BAZ1A: variants seen among roughly 807,000 people sequenced by gnomAD.
BAZ1A encodes bromodomain adjacent to zinc finger domain 1A.
BAZ1A carries 50 observed loss-of-function variants against 185.2 expected under a neutral mutation model. The observed-to-expected ratio is 0.27, with a 90% CI of 0.22 to 0.34. BAZ1A has a LOEUF of 0.34. Ranked by LOEUF, BAZ1A falls within the 10% of genes least tolerant of loss-of-function variation. The pLI, the probability that BAZ1A is intolerant of heterozygous loss-of-function variation, is 1.00. For missense variants in BAZ1A, 1,356 were observed against 1,839.9 expected (o/e 0.74, Z 4.81); for synonymous variants, 571 against 615.6 (o/e 0.93, Z 1.07).
intron 11 of BAZ1A, among the ~76,000 whole-genome samples, chr14:34,793,276 T>C (rs1880967946): frequency 1.3e-5 from 2 of 152,230 alleles, no homozygotes; most frequent in African/African-American, 4.8e-5. Context: ...CCACTGTTCC[T>C]GAGGGCTATG....
At chr14:34,873,851 C>T (rs951625031) in intron 2 of BAZ1A, among the ~76,000 whole-genome samples, 21 of 152,316 alleles carry the variant, frequency 1.4e-4, no homozygotes, top group Middle Eastern at 6.8e-3. Context: ...CAGCGCCGGA[C>T]GGGAGGCCGC....
At chr14:34,762,716 T>A (rs1208370298) in intron 23 of BAZ1A, among the ~76,000 whole-genome samples, 1 of 152,158 alleles carries the variant, frequency 6.6e-6, no homozygotes, top group Admixed American at 6.5e-5. Context: ...GCGATCTGCA[T>A]GCCTCGGCCT....
At chr14:34,797,752 C>T (rs369035938) in intron 9 of BAZ1A, among the ~76,000 whole-genome samples, 21 of 152,132 alleles carry the variant, frequency 1.4e-4, no homozygotes, top group Admixed American at 3.3e-4. Context: ...ATGCAGAAGA[C>T]GGTGATTTCT....
chr14:34,820,987 G>T (rs1053456352), intron 4 of BAZ1A, among the ~76,000 whole-genome samples: 2 of 152,064 alleles, frequency 1.3e-5, no homozygotes, highest in Admixed American at 1.3e-4. Flanking sequence ...CTTGAAGCTG[G>T]GTAGTGTCAG....
intron 3 of BAZ1A, 136 bp from the exon 4 acceptor site, chr14:34,826,292 TAAAAAG>T: frequency 1.2e-6 from 1 of 809,204 alleles, no homozygotes; most frequent in Non-Finnish European, 1.8e-6. Flanking sequence ...ACAATTTAAT[TAAAAAG>T]AAAATCTGTA....
At chr14:34,871,443 C>T (rs1237770428) in intron 2 of BAZ1A, among the ~76,000 whole-genome samples, 1 of 152,184 alleles carries the variant, frequency 6.6e-6, no homozygotes, top group African/African-American at 2.4e-5. Flanking sequence ...TCTTCTTTAC[C>T]TATGAAAAAG....
intron 2 of BAZ1A, among the ~76,000 whole-genome samples, chr14:34,866,502 A>AAAAAAAAAAAAAAAAAAAAAAAGAAAG: frequency 1.3e-4 from 10 of 79,556 alleles, no homozygotes; most frequent in East Asian, 2.7e-4. Flanking sequence ...AAAAAAAAAA[A>AAAAAAAAAAAAAAAAAAAAAAAGAAAG]GAAAAAAGTT....
chr14:34,755,111 C>T lies in BAZ1A; in HGVS notation c.4387-197G>A, dbSNP rs148851911. Reference sequence around the variant, plus strand: ...TACAGATATATATCTATATAGATATCGCGCTCTCTCTATATATACACACCA... The same window carrying T: ...TACAGATATATATCTATATAGATATTGCGCTCTCTCTATATATACACACCA... On this transcript the variant is annotated intron_variant, in intron 25 of 26. Transcript: ENST00000360310. 6.2e-3 allele frequency among the ~76,000 whole-genome samples: 937 copies of T among 151,784 alleles called. 16 individuals carry two copies. Among genetic ancestry groups the T allele is most frequent in the African/African-American group, 0.022 (904 of 41,398 alleles).
chr14:34,838,868 G>A (rs7156153), intron 3 of BAZ1A, among the ~76,000 whole-genome samples: 44,895 of 151,650 alleles, frequency 0.3, 6,904 homozygotes, highest in Admixed American at 0.39. Context: ...TACAGTAGTC[G>A]CAAAAAAGGT....
At chr14:34,833,136 G>A (rs2042275435) in intron 3 of BAZ1A, among the ~76,000 whole-genome samples, 2 of 152,148 alleles carry the variant, frequency 1.3e-5, no homozygotes, top group South Asian at 4.1e-4. Context: ...CAGCTGCTAG[G>A]GAGGCTGTGG....
At chr14:34,775,147 C>G (rs1879506601) in intron 18 of BAZ1A, among the ~76,000 whole-genome samples, 1 of 151,412 alleles carries the variant, frequency 6.6e-6, no homozygotes, top group South Asian at 2.1e-4. Context: ...ACCCAGGAGG[C>G]AGAGATTGCA....
intron 3 of BAZ1A, among the ~76,000 whole-genome samples, chr14:34,840,654 G>A (rs182378825): frequency 0.014 from 2,103 of 152,078 alleles, 24 homozygotes; most frequent in Non-Finnish European, 0.021. Flanking sequence ...AGCTACTCGG[G>A]ATGCTGAGGT....
intron 3 of BAZ1A, among the ~76,000 whole-genome samples, chr14:34,849,523 A>C (rs2042565478): frequency 6.6e-6 from 1 of 152,088 alleles, no homozygotes; most frequent in African/African-American, 2.4e-5. Context: ...TGAATCTTTT[A>C]CTTTAATAGA....
chr14:34,767,933 A>G (rs1878960817), intron 21 of BAZ1A, among the ~76,000 whole-genome samples: 1 of 152,152 alleles, frequency 6.6e-6, no homozygotes, highest in Non-Finnish European at 1.5e-5. Flanking sequence ...AGAAAATTAA[A>G]CCAGCAGTAG....
intron 4 of BAZ1A, among the ~76,000 whole-genome samples, chr14:34,812,314 C>G (rs576652060): frequency 6.6e-6 from 1 of 151,818 alleles, no homozygotes; most frequent in East Asian, 1.9e-4. Flanking sequence ...AAGTAAAAAC[C>G]CTGAGGTGGA....
intron 3 of BAZ1A, among the ~76,000 whole-genome samples, chr14:34,852,626 A>AT (rs2042615556): frequency 6.6e-6 from 1 of 152,172 alleles, no homozygotes; most frequent in Non-Finnish European, 1.5e-5. Flanking sequence ...CTCAAAAAAA[A>AT]TAAAATAAAG....
At position 34,795,843 on chromosome 14, in the gene BAZ1A, A is replaced by G. The variant is rs1328749411; in HGVS notation, c.1129-78T>C. 3.7e-6 allele frequency: 4 copies of G among 1,089,730 alleles called. No individual in the cohort carries two copies. The Admixed American group carries it at 8.0e-5, about 22-fold the overall frequency. The allele number at this position is 1,089,730 out of a possible 1,614,324, so 67.5% of individuals were successfully genotyped here. On this transcript the variant is annotated intron_variant, in intron 9 of 26. Coordinates refer to ENST00000360310, the MANE Select transcript of BAZ1A (RefSeq NM_013448.3). ...CATCGGCATCTCCTGAGAACTTGTTAGAAATGCAAATACTTGGACCTTACC... is the reference window on the plus strand; with the variant it reads ...CATCGGCATCTCCTGAGAACTTGTTGGAAATGCAAATACTTGGACCTTACC...
At chr14:34,849,669 G>A (rs1057118613) in intron 3 of BAZ1A, among the ~76,000 whole-genome samples, 6 of 152,120 alleles carry the variant, frequency 3.9e-5, no homozygotes, top group Non-Finnish European at 7.4e-5. Context: ...TAGCATACAG[G>A]AAAAGCTCAA....
At chr14:34,858,912 A>G (rs1344668012) in intron 3 of BAZ1A, among the ~76,000 whole-genome samples, 2 of 152,194 alleles carry the variant, frequency 1.3e-5, no homozygotes, top group Admixed American at 1.3e-4. Context: ...GAGAAGAGTA[A>G]TGCAAAGGCC....
Sources: gnomAD v4.1 joint callset for allele counts (sites outside exome capture counted in the v4.1 genomes callset) on GRCh38, gnomAD v4.1.1 for gene constraint, MANE v1.5 for transcripts, NCBI Gene and HGNC (gene_info 2026-07-23, HGNC 2026-07-21) for gene names.